ZNF609: variants seen among roughly 807,000 people sequenced by gnomAD.
The protein encoded by ZNF609 is zinc finger protein 609.
Under a neutral mutation model 109.5 loss-of-function variants are expected in ZNF609, and 11 were observed. The ratio of observed to expected loss-of-function variants is 0.10; its 90% CI spans 0.06 to 0.17. The LOEUF (loss-of-function observed/expected upper bound fraction) is 0.17, where lower values mean the gene tolerates loss of function less well. Ranked by LOEUF, ZNF609 falls within the 10% of genes least tolerant of loss-of-function variation. ZNF609 has a pLI of 1.00. For synonymous variants in ZNF609, 646 were observed against 662.0 expected, an observed-to-expected ratio of 0.98 and a Z score of 0.37; for missense variants, 1,559 against 1,772.4, an observed-to-expected ratio of 0.88 and a Z score of 2.16.
chr15:64,623,713 C>G (rs965844310), intron 3 of ZNF609, among the ~76,000 whole-genome samples: 1 of 152,176 alleles, frequency 6.6e-6, no homozygotes, highest in African/African-American at 2.4e-5. Context: ...AGAACGGAAT[C>G]TATTCTGTTT....
intron 2 of ZNF609, among the ~76,000 whole-genome samples, chr15:64,521,963 G>T (rs1400084082): frequency 6.6e-6 from 1 of 152,196 alleles, no homozygotes; most frequent in Non-Finnish European, 1.5e-5. Context: ...AGCTCCAGCT[G>T]TGTTATCTAG....
chr15:64,554,962 G>A (rs1894553150), intron 2 of ZNF609, among the ~76,000 whole-genome samples: 1 of 151,884 alleles, frequency 6.6e-6, no homozygotes, highest in African/African-American at 2.4e-5. Flanking sequence ...CTGACACAGT[G>A]ATGTGCGCCT....
intron 6 of ZNF609, among the ~76,000 whole-genome samples, chr15:64,679,603 C>CGTA (rs1321397149): frequency 2.0e-5 from 3 of 152,192 alleles, no homozygotes; most frequent in Admixed American, 2.0e-4. Flanking sequence ...AAATTTCTTA[C>CGTA]CCTTGAGGTG....
chr15:64,543,723 C>T (rs943457162), intron 2 of ZNF609, among the ~76,000 whole-genome samples: 1 of 152,242 alleles, frequency 6.6e-6, no homozygotes, highest in East Asian at 1.9e-4. Context: ...GGATTACAGG[C>T]GTAAGCCACC....
Position 64,528,876 on chromosome 15 carries a change from C to T in ZNF609, c.747+28710C>T, listed in dbSNP as rs1894011602. On this transcript the variant is annotated intron_variant, in intron 2 of 9. Coordinates refer to ENST00000326648, the MANE Select transcript of ZNF609 (RefSeq NM_015042.2). Reference sequence around the variant, plus strand: ...CCCAGGATGCTCTTGAGGGGGCCCTCCGATGCCTACTTCACCACCTTCTTG... The same window carrying T: ...CCCAGGATGCTCTTGAGGGGGCCCTTCGATGCCTACTTCACCACCTTCTTG... 5.1e-6 allele frequency: 5 copies of T among 972,952 alleles called. No individual in the cohort carries two copies. In the Admixed American group the frequency reaches 5.3e-5, roughly 10 times the overall value. 60.3% of individuals were successfully genotyped at this position (972,952 alleles called of 1,614,324 possible). A position where few individuals can be genotyped will look rare whatever the true frequency, so the allele number is the denominator to read the frequency against.
chr15:64,678,576 A>G (rs558100851), intron 6 of ZNF609, 94 bp downstream of exon 6: 1 of 1,492,394 alleles, frequency 6.7e-7, no homozygotes, highest in East Asian at 2.3e-5. Context: ...GCCCCAAGGC[A>G]TATTGAGGCT....
chr15:64,517,531 T>C (rs1357029498), intron 2 of ZNF609, among the ~76,000 whole-genome samples: 1 of 152,116 alleles, frequency 6.6e-6, no homozygotes, highest in African/African-American at 2.4e-5. Flanking sequence ...CAACAAATAA[T>C]TATTAAATAA....
At chr15:64,623,188 CAG>C in intron 3 of ZNF609, 136 bp downstream of exon 3, 8 of 888,676 alleles carry the variant, frequency 9.0e-6, no homozygotes, top group Non-Finnish European at 1.4e-5. Flanking sequence ...GATACCCACA[CAG>C]AGGATTTTAG....
chr15:64,504,028 A>G (rs1332003199), intron 2 of ZNF609, among the ~76,000 whole-genome samples: 1 of 152,210 alleles, frequency 6.6e-6, no homozygotes, highest in Non-Finnish European at 1.5e-5. Context: ...CTTCTGATCC[A>G]AGGCTTTCTT....
Position 64,590,627 on chromosome 15 carries a change from A to AAT in ZNF609, c.748-32193_748-32192dup, listed in dbSNP as rs202191076. Among the ~76,000 whole-genome samples, 361 of 151,058 alleles carry AAT rather than the reference A, an allele frequency of 2.4e-3. 2 individuals carry two copies. Among genetic ancestry groups the AAT allele is most frequent in the African/African-American group, 8.5e-3 (349 of 41,300 alleles). On this transcript the variant is annotated intron_variant, in intron 2 of 9. Transcript: ENST00000326648. ...AGCCACCTGGCCTTCATATATAGAA[A>AAT]ATATATATTTATTTTACATACACAT...
intron 2 of ZNF609, among the ~76,000 whole-genome samples, chr15:64,592,439 C>A (rs1048248780): frequency 6.6e-6 from 1 of 151,994 alleles, no homozygotes; most frequent in Non-Finnish European, 1.5e-5. Context: ...TTAGCCAGCT[C>A]TGGTGGCAGG....
At chr15:64,562,819 TTTTTA>T (rs1433603446) in intron 2 of ZNF609, among the ~76,000 whole-genome samples, 2 of 152,098 alleles carry the variant, frequency 1.3e-5, no homozygotes, top group African/African-American at 4.8e-5. Flanking sequence ...CAGCAAGTTC[TTTTTA>T]TTTTCTAGCA....
intron 1 of ZNF609, among the ~76,000 whole-genome samples, chr15:64,496,361 G>T (rs995976732): frequency 6.6e-6 from 1 of 152,198 alleles, no homozygotes; most frequent in Non-Finnish European, 1.5e-5. Flanking sequence ...AAAACAAGGT[G>T]GGGTTGTTTT....
Position 64,675,760 on chromosome 15 carries a change from T to C in ZNF609, c.2906T>C (p.Met969Thr). 2 of 1,614,180 alleles carry C rather than the reference T, an allele frequency of 1.2e-6. No homozygotes were observed. The highest frequency in any genetic ancestry group is 1.7e-6 in the Non-Finnish European group (2 of 1,180,028). The change falls in exon 5 of 10, where the codon ATG becomes ACG. Residue 969 changes from methionine to threonine, a missense_variant. By Grantham distance (81) the Met-to-Thr change is moderately conservative. Transcript: ENST00000326648. ...ATCCAGCAGCGTCCCAATATGTACA[T>C]GCAGTCCCTGTACTACAACCAGTAT... ...SVIQQRPNMY[M>T]QSLYYNQYAY... is the part of the protein sequence containing the mutation.
In ZNF609 at chr15:64,681,290, T is replaced by C. The variant is rs375613477; in HGVS notation, c.4163-19T>C. The C allele has an allele frequency of 2.5e-6, 4 of 1,612,708 alleles. No homozygotes were observed. Among genetic ancestry groups the C allele is most frequent in the African/African-American group, 1.3e-5 (1 of 74,898 alleles). On this transcript the variant is annotated intron_variant, in intron 8 of 9. Coordinates refer to ENST00000326648, the MANE Select transcript of ZNF609 (RefSeq NM_015042.2). ...GGTTTCTGTGAGTGCTACACTAACA[T>C]GTTCTCCTGCTTATTCAGGGCTTTC... is the stretch of plus-strand genomic sequence containing the variant.
rs1432307729 is a variant in ZNF609, at chr15:64,685,893, AAC to A, written c.*4211_*4212del. On this transcript the variant is annotated 3_prime_UTR_variant, in exon 10 of 10. Transcript: ENST00000326648. ...AATTTTAAAGGGTGGTATACTCTGA[AAC>A]ACAGCCCAACCAAACCATTGTTTGG... The A allele has an allele frequency of 3.9e-5, 6 of 152,162 alleles. No individual in the cohort carries two copies. The highest frequency in any genetic ancestry group is 7.3e-5 in the Non-Finnish European group (5 of 68,030). 9.4% of individuals were successfully genotyped at this position (152,162 alleles called of 1,614,324 possible). A position where few individuals can be genotyped will look rare whatever the true frequency, so the allele number is the denominator to read the frequency against.
chr15:64,601,918 T>A (rs888493804), intron 2 of ZNF609, among the ~76,000 whole-genome samples: 10 of 152,208 alleles, frequency 6.6e-5, no homozygotes, highest in Admixed American at 5.9e-4. Context: ...CAGACATACA[T>A]TGGTTCAAAT....
intron 2 of ZNF609, among the ~76,000 whole-genome samples, chr15:64,575,419 CA>C (rs5813309): frequency 0.93 from 137,605 of 147,208 alleles, 64,611 homozygotes; most frequent in East Asian, 1. Flanking sequence ...AACTCCATTT[CA>C]AAAAAAAAAA....
chr15:64,584,993 G>A (rs1895172849), intron 2 of ZNF609, among the ~76,000 whole-genome samples: 2 of 150,354 alleles, frequency 1.3e-5, no homozygotes, highest in African/African-American at 4.9e-5. Flanking sequence ...AAAAAAAAAA[G>A]AGGGGGCCCT....
Sources: allele counts gnomAD v4.1 joint callset (sites outside exome capture counted in the v4.1 genomes callset), GRCh38; gene constraint gnomAD v4.1.1; transcripts MANE v1.5; gene names NCBI Gene and HGNC (gene_info 2026-07-23, HGNC 2026-07-21).